The following HERC3 variants were observed in gnomAD, a reference collection of about 807,000 sequenced individuals.
HERC3 encodes the protein HECT and RLD domain containing E3 ubiquitin protein ligase 3.
HERC3 carries 58 observed loss-of-function variants against 129.9 expected under a neutral mutation model. The ratio of observed to expected loss-of-function variants is 0.45; its 90% CI spans 0.36 to 0.56. The LOEUF (loss-of-function observed/expected upper bound fraction) is 0.56. Ranked by LOEUF, HERC3 falls within the 20% of genes least tolerant of loss-of-function variation. The probability of loss-of-function intolerance (pLI) is 0.00; values close to 1 mark genes in which losing one functional copy is unlikely to be tolerated. For missense variants in HERC3, 835 were observed against 1,244.2 expected (o/e 0.67, Z 4.95); for synonymous variants, 430 against 451.0 (o/e 0.95, Z 0.59).
chr4:88,581,965 A>G, the HERC3 span, among the ~76,000 whole-genome samples: 4 of 152,222 alleles, frequency 2.6e-5, no homozygotes, highest in African/African-American at 4.8e-5. Flanking sequence ...TTTCTTATTC[A>G]GTGGAATCAT....
At chr4:88,527,078 T>A in the HERC3 span, 1 of 152,218 alleles carries the variant, frequency 6.6e-6, no homozygotes, top group Non-Finnish European at 1.5e-5. Flanking sequence ...ACCAGCCTTG[T>A]TTTGGCCATC....
At chr4:88,634,274 A>G (rs1727106275) in intron 3 of HERC3, among the ~76,000 whole-genome samples, 1 of 152,218 alleles carries the variant, frequency 6.6e-6, no homozygotes, top group African/African-American at 2.4e-5. Flanking sequence ...CTTGGGTCCC[A>G]ACCATGGAGC....
At chr4:88,676,170 TC>T (rs1437779729) in intron 16 of HERC3, 47 bp from the exon 17 acceptor site, 2 of 1,380,122 alleles carry the variant, frequency 1.4e-6, no homozygotes, top group Non-Finnish European at 2.0e-6. Flanking sequence ...GGATTAAAAT[TC>T]AGGGTTTACA....
At chr4:88,556,944 C>T in the HERC3 span, among the ~76,000 whole-genome samples, 1 of 152,180 alleles carries the variant, frequency 6.6e-6, no homozygotes, top group Non-Finnish European at 1.5e-5. Context: ...TTAGTTTCTT[C>T]AGCCTCATTT....
chr4:88,652,132 A>G (rs763447717), intron 5 of HERC3, 44 bp downstream of exon 5: 6 of 1,370,152 alleles, frequency 4.4e-6, no homozygotes, highest in Middle Eastern at 1.8e-4. Flanking sequence ...TTAATTTTGA[A>G]AACATTTCTC....
rs763418588 is a variant in HERC3 at position 88,681,164 on chromosome 4, T to C, written c.2346T>C (p.Phe782=). The change falls in exon 21 of 26, where the codon TTT becomes TTC. Residue 782 remains phenylalanine (F), a synonymous_variant. Coordinates refer to ENST00000402738, the MANE Select transcript of HERC3 (RefSeq NM_014606.3). ...TTTGTATGTGTCCTAAAAAGTGTTT[T>C]GTAGAGCACAACTGGTTTCACTTGA... ...SNLLWFSDTC[F]VEHNWFHLIG... is the part of the protein sequence containing the mutation. The C allele has an allele frequency of 6.2e-7, 1 of 1,607,610 alleles. No individual in the cohort carries two copies. Among genetic ancestry groups the C allele is most frequent in the East Asian group, 2.2e-5 (1 of 44,828 alleles).
intron 18 of HERC3, 67 bp from the exon 19 acceptor site, chr4:88,677,896 AC>A: frequency 6.9e-7 from 1 of 1,455,278 alleles, no homozygotes; most frequent in Non-Finnish European, 9.5e-7. Flanking sequence ...GTCCAGAAGC[AC>A]AGCTGACTGC....
At chr4:88,542,655 T>C in the HERC3 span, among the ~76,000 whole-genome samples, 1 of 152,140 alleles carries the variant, frequency 6.6e-6, no homozygotes, top group Admixed American at 6.5e-5. Context: ...TTTACACCAA[T>C]ATTGCTGATG....
chr4:88,707,573 A>G lies in HERC3; in HGVS notation c.*613A>G, dbSNP rs1482983270. ...CTAAGAATTTATGGGAGCCTATATA[A>G]ACATATCTTGCTTTTAAAAAGTTCT... On this transcript the variant is annotated 3_prime_UTR_variant, in exon 26 of 26. Coordinates refer to ENST00000402738, the MANE Select transcript of HERC3 (RefSeq NM_014606.3). The G allele has an allele frequency of 6.6e-6, 1 of 152,370 alleles. No individual in the cohort carries two copies. 9.4% of individuals were successfully genotyped at this position (152,370 alleles called of 1,614,324 possible). A position where few individuals can be genotyped will look rare whatever the true frequency, so the allele number is the denominator to read the frequency against.
the HERC3 span, among the ~76,000 whole-genome samples, chr4:88,586,056 C>T: frequency 6.6e-6 from 1 of 152,262 alleles, no homozygotes; most frequent in South Asian, 2.1e-4. Flanking sequence ...TTAGCAATTC[C>T]ACTTTTAGGA....
chr4:88,579,262 C>G, the HERC3 span, among the ~76,000 whole-genome samples: 1 of 146,698 alleles, frequency 6.8e-6, no homozygotes, highest in Non-Finnish European at 1.5e-5. Flanking sequence ...TGAAAGTTAG[C>G]CAGGTGTGGT....
Position 88,708,370 on chromosome 4 carries a change from T to C in HERC3, c.*1410T>C, listed in dbSNP as rs902244325. 2 of 152,630 alleles carry C rather than the reference T, an allele frequency of 1.3e-5. No individual in the cohort carries two copies. The highest frequency in any genetic ancestry group is 4.8e-5 in the African/African-American group (2 of 41,454). 9.5% of individuals were successfully genotyped at this position (152,630 alleles called of 1,614,324 possible). On this transcript the variant is annotated 3_prime_UTR_variant, in exon 26 of 26. Coordinates refer to ENST00000402738, the MANE Select transcript of HERC3 (RefSeq NM_014606.3). ...AATCTTGATGAAGGATTGTAGATTT[T>C]TGCTTTTTCTTTTTGTTTTTAAAAC...
chr4:88,574,605 G>A, the HERC3 span, among the ~76,000 whole-genome samples: 1 of 152,140 alleles, frequency 6.6e-6, no homozygotes, highest in East Asian at 1.9e-4. Context: ...TCCAGGCCCT[G>A]ACAATCATTC....
At chr4:88,632,333 C>T (rs1560697096) in intron 3 of HERC3, among the ~76,000 whole-genome samples, 1 of 152,164 alleles carries the variant, frequency 6.6e-6, no homozygotes, top group Non-Finnish European at 1.5e-5. Flanking sequence ...TGTTAACATT[C>T]CCCAGAAGAC....
At chr4:88,539,037 T>A in the HERC3 span, among the ~76,000 whole-genome samples, 1 of 152,184 alleles carries the variant, frequency 6.6e-6, no homozygotes, top group African/African-American at 2.4e-5. Flanking sequence ...CATTTCCAAC[T>A]GAGATACCTG....
chr4:88,556,449 A>G, the HERC3 span, among the ~76,000 whole-genome samples: 1 of 152,246 alleles, frequency 6.6e-6, no homozygotes, highest in African/African-American at 2.4e-5. Flanking sequence ...AAACCCATTT[A>G]AAGAAAAAAA....
chr4:88,606,261 T>C lies in HERC3; in HGVS notation c.226+212T>C, dbSNP rs973981628. On this transcript the variant is annotated intron_variant, in intron 3 of 25. Transcript: ENST00000402738. Reference sequence around the variant, plus strand: ...GACTTTTCTTTTCTTTTCTTTTTTTTTTTTTTTTGAGATATGGTCTCGCTC... The same window carrying C: ...GACTTTTCTTTTCTTTTCTTTTTTTCTTTTTTTTGAGATATGGTCTCGCTC... 1.6e-3 allele frequency among the ~76,000 whole-genome samples: 245 copies of C among 151,134 alleles called. 1 individual carries two copies. Among genetic ancestry groups the C allele is most frequent in the African/African-American group, 5.7e-3 (237 of 41,300 alleles).
chr4:88,604,720 C>T (rs1413029642), intron 2 of HERC3, among the ~76,000 whole-genome samples: 1 of 152,172 alleles, frequency 6.6e-6, no homozygotes, highest in Non-Finnish European at 1.5e-5. Context: ...CTGTTGTGAA[C>T]ATTCCTTTAT....
At chr4:88,619,345 G>C (rs1039924634) in intron 3 of HERC3, among the ~76,000 whole-genome samples, 1 of 152,156 alleles carries the variant, frequency 6.6e-6, no homozygotes, top group Non-Finnish European at 1.5e-5. Context: ...GGCTGCCCAG[G>C]TCAGTCAGGC....
Sources: allele counts gnomAD v4.1 joint callset (sites outside exome capture counted in the v4.1 genomes callset), GRCh38; gene constraint gnomAD v4.1.1; transcripts MANE v1.5; gene names NCBI Gene and HGNC (gene_info 2026-07-23, HGNC 2026-07-21).